CFAP54: variants seen among roughly 807,000 people sequenced by gnomAD.
CFAP54 encodes cilia and flagella associated protein 54, also known as cilia- and flagella-associated protein 54.
CFAP54 carries 290 observed loss-of-function variants against 370.4 expected under a neutral mutation model. That is an observed-to-expected ratio of 0.78 (90% confidence interval 0.71 to 0.86). CFAP54 has a LOEUF of 0.86. Ranked by LOEUF, CFAP54 falls within the 40% of genes least tolerant of loss-of-function variation. CFAP54 has a pLI of 0.00. For missense variants in CFAP54, 3,399 were observed against 3,528.7 expected (o/e 0.96, Z 0.93); for synonymous variants, 1,206 against 1,236.5 (o/e 0.98, Z 0.52).
At chr12:96,822,533 G>A (rs1195615161) in intron 65 of CFAP54, among the ~76,000 whole-genome samples, 1 of 152,122 alleles carries the variant, frequency 6.6e-6, no homozygotes, top group Non-Finnish European at 1.5e-5. Flanking sequence ...GAGGAGGTGA[G>A]AATATACAGA....
chr12:96,769,395 T>C lies in CFAP54; in HGVS notation c.8281+4177T>C, dbSNP rs144788143. Among the ~76,000 whole-genome samples the C allele has an allele frequency of 5.3e-5, 8 of 152,316 alleles. No individual in the cohort carries two copies. In the East Asian group the frequency reaches 1.5e-3, roughly 29 times the overall value. On this transcript the variant is annotated intron_variant, in intron 60 of 67. Coordinates refer to ENST00000524981, the MANE Select transcript of CFAP54 (RefSeq NM_001306084.2). ...CAGTGAATGTTAGGTCCAGGGTCAG[T>C]TTCCAGCCCATGCTGAGGTCGGAGG... is the stretch of plus-strand genomic sequence containing the variant.
intron 34 of CFAP54, among the ~76,000 whole-genome samples, chr12:96,649,324 CT>C (rs1207743062): frequency 2.0e-5 from 3 of 152,086 alleles, no homozygotes; most frequent in African/African-American, 2.4e-5. Context: ...CTGAGTTTTT[CT>C]TTTTTTAAAA....
intron 33 of CFAP54, among the ~76,000 whole-genome samples, chr12:96,647,671 T>C (rs960918310): frequency 2.6e-5 from 4 of 151,966 alleles, no homozygotes; most frequent in Non-Finnish European, 4.4e-5. Context: ...ATATTGATGT[T>C]AAAATTCCTA....
chr12:96,640,774 T>C (rs1016840885), intron 32 of CFAP54, among the ~76,000 whole-genome samples: 1 of 152,162 alleles, frequency 6.6e-6, no homozygotes, highest in Non-Finnish European at 1.5e-5. Context: ...TAATGCCACA[T>C]ATCTACAGCT....
chr12:96,530,560 G>A (rs187302524), intron 9 of CFAP54, among the ~76,000 whole-genome samples: 15 of 152,276 alleles, frequency 9.9e-5, no homozygotes, highest in African/African-American at 3.6e-4. Context: ...ACCACAGTTT[G>A]TTTAACCACT....
intron 17 of CFAP54, among the ~76,000 whole-genome samples, chr12:96,555,577 T>C (rs1449752343): frequency 6.1e-5 from 9 of 148,514 alleles, no homozygotes; most frequent in Non-Finnish European, 7.4e-5. Flanking sequence ...ATATATAATA[T>C]GTAATATATA....
intron 50 of CFAP54, among the ~76,000 whole-genome samples, chr12:96,722,133 C>T (rs896072742): frequency 4.6e-5 from 7 of 152,202 alleles, no homozygotes; most frequent in Non-Finnish European, 1.0e-4. Context: ...CTCAGTGCCA[C>T]CCACCAACCA....
chr12:96,781,163 C>T (rs188383684), intron 60 of CFAP54, among the ~76,000 whole-genome samples: 27 of 152,122 alleles, frequency 1.8e-4, no homozygotes, highest in Admixed American at 1.7e-3. Flanking sequence ...TCAAGTATGT[C>T]TTCAATAGCA....
At chr12:96,528,766 C>T (rs1452010698) in intron 9 of CFAP54, among the ~76,000 whole-genome samples, 2 of 152,112 alleles carry the variant, frequency 1.3e-5, no homozygotes, top group Non-Finnish European at 1.5e-5. Flanking sequence ...ATTGTATGTC[C>T]ATTTTCCATA....
intron 50 of CFAP54, among the ~76,000 whole-genome samples, chr12:96,725,676 C>T (rs1276558864): frequency 1.3e-5 from 2 of 152,146 alleles, no homozygotes; most frequent in African/African-American, 2.4e-5. Context: ...TTTCCTTCTC[C>T]TGCCTGATTG....
At chr12:96,864,483 C>A (rs1266655088) in intron 67 of CFAP54, among the ~76,000 whole-genome samples, 4 of 152,140 alleles carry the variant, frequency 2.6e-5, no homozygotes, top group African/African-American at 9.7e-5. Flanking sequence ...CCCAGCTCAG[C>A]CAACGTGTTC....
chr12:96,600,886 A>G (rs947968473), intron 26 of CFAP54, among the ~76,000 whole-genome samples: 1 of 152,200 alleles, frequency 6.6e-6, no homozygotes, highest in Non-Finnish European at 1.5e-5. Context: ...TTCTAAATAT[A>G]CAATCATGTC....
chr12:96,521,748 G>A, intron 6 of CFAP54, 109 bp from the exon 7 acceptor site: 1 of 777,890 alleles, frequency 1.3e-6, no homozygotes, highest in Non-Finnish European at 2.0e-6. Flanking sequence ...TTAACCTAGA[G>A]CTTAATTCAC....
At chr12:96,596,971 T>C (rs938360159) in intron 25 of CFAP54, among the ~76,000 whole-genome samples, 6 of 152,052 alleles carry the variant, frequency 3.9e-5, no homozygotes, top group African/African-American at 1.2e-4. Flanking sequence ...CAATGTAATA[T>C]CACTGGCAGG....
chr12:96,543,552 A>C (rs1955601814), intron 14 of CFAP54, among the ~76,000 whole-genome samples: 1 of 152,218 alleles, frequency 6.6e-6, no homozygotes, highest in Non-Finnish European at 1.5e-5. Flanking sequence ...TGAAGAACTT[A>C]ACCTCACACC....
At chr12:96,869,657 C>T (rs1213877881) in intron 67 of CFAP54, among the ~76,000 whole-genome samples, 1 of 151,936 alleles carries the variant, frequency 6.6e-6, no homozygotes, top group Non-Finnish European at 1.5e-5. Context: ...TATTATGGGC[C>T]GGGTGCAGTG....
intron 23 of CFAP54, 70 bp from the exon 24 acceptor site, chr12:96,592,420 C>A: frequency 2.6e-6 from 1 of 384,016 alleles, no homozygotes; most frequent in Non-Finnish European, 4.7e-6. Flanking sequence ...GAGAACAAAT[C>A]AATGTAAAAA....
At chr12:96,781,017 G>A (rs1240117912) in intron 60 of CFAP54, among the ~76,000 whole-genome samples, 2 of 152,098 alleles carry the variant, frequency 1.3e-5, no homozygotes, top group Non-Finnish European at 2.9e-5. Flanking sequence ...ACACAGGCTT[G>A]CAAATGAAGA....
intron 19 of CFAP54, 36 bp downstream of exon 19, chr12:96,564,801 TA>T: frequency 1.8e-6 from 1 of 555,108 alleles, no homozygotes; most frequent in South Asian, 2.6e-5. Context: ...AATCCTGACA[TA>T]AAATTTCTGT....
Sources: gnomAD v4.1 joint callset for allele counts (sites outside exome capture counted in the v4.1 genomes callset) on GRCh38, gnomAD v4.1.1 for gene constraint, MANE v1.5 for transcripts, NCBI Gene and HGNC (gene_info 2026-07-23, HGNC 2026-07-21) for gene names.